PKNOX1: variants seen among roughly 807,000 people sequenced by gnomAD.
The protein encoded by PKNOX1 is homeobox protein PKNOX1.
Under a neutral mutation model 51.9 loss-of-function variants are expected in PKNOX1, and 15 were observed. The ratio of observed to expected loss-of-function variants is 0.29; its 90% CI spans 0.19 to 0.45. The LOEUF is 0.45. Among genes scored for constraint, PKNOX1 ranks in the 20% least tolerant of loss-of-function variants. PKNOX1 has a pLI of 1.00. For synonymous variants in PKNOX1, 219 were observed against 211.1 expected, an observed-to-expected ratio of 1.04 and a Z score of -0.32; for missense variants, 462 against 547.5, an observed-to-expected ratio of 0.84 and a Z score of 1.56.
At chr21:42,994,571 C>CTT (rs1568892275) in intron 1 of PKNOX1, among the ~76,000 whole-genome samples, 1 of 151,654 alleles carries the variant, frequency 6.6e-6, no homozygotes, top group Non-Finnish European at 1.5e-5. Context: ...GAAAGACAAT[C>CTT]TGAGAGTAGA....
intron 7 of PKNOX1, among the ~76,000 whole-genome samples, chr21:43,020,928 C>T (rs1462045833): frequency 1.3e-5 from 2 of 152,122 alleles, no homozygotes; most frequent in East Asian, 3.9e-4. Flanking sequence ...GGCAACAGGG[C>T]GAGACCCTGC....
At chr21:42,990,066 C>T (rs892983295) in intron 1 of PKNOX1, among the ~76,000 whole-genome samples, 1 of 150,118 alleles carries the variant, frequency 6.7e-6, no homozygotes, top group African/African-American at 2.5e-5. Flanking sequence ...CATTGCACTC[C>T]AGCCTGGGCA....
chr21:42,978,229 T>C (rs1425617741), intron 1 of PKNOX1, among the ~76,000 whole-genome samples: 1 of 152,140 alleles, frequency 6.6e-6, no homozygotes. Context: ...GGTCTCGAAC[T>C]CCTGACCTCA....
intron 3 of PKNOX1, among the ~76,000 whole-genome samples, chr21:43,009,563 A>C (rs998934453): frequency 7.1e-6 from 1 of 141,006 alleles, no homozygotes; most frequent in African/African-American, 2.7e-5. Flanking sequence ...GTGACCCGAG[A>C]TCGTGCCGCT....
At chr21:42,989,223 C>T (rs2059073275) in intron 1 of PKNOX1, among the ~76,000 whole-genome samples, 1 of 151,932 alleles carries the variant, frequency 6.6e-6, no homozygotes, top group Admixed American at 6.6e-5. Flanking sequence ...AAGCAATATT[C>T]CCGCCTCGGG....
chr21:43,018,694 G>C (rs1177156402), intron 7 of PKNOX1, among the ~76,000 whole-genome samples: 2 of 152,178 alleles, frequency 1.3e-5, no homozygotes, highest in East Asian at 3.9e-4. Flanking sequence ...ATTGGGCCAG[G>C]GCTTTCAGGC....
chr21:43,000,915 A>G (rs376972934), intron 1 of PKNOX1, among the ~76,000 whole-genome samples: 34 of 152,290 alleles, frequency 2.2e-4, no homozygotes, highest in African/African-American at 7.5e-4. Context: ...AGCTTGGAGA[A>G]TGGACTGGAA....
intron 2 of PKNOX1, among the ~76,000 whole-genome samples, chr21:43,007,098 T>C (rs1194260933): frequency 6.6e-6 from 1 of 152,004 alleles, no homozygotes; most frequent in Admixed American, 6.6e-5. Context: ...AGCGTATGGG[T>C]TAGGTTGTGT....
At chr21:43,013,984 T>G (rs1303240187) in intron 5 of PKNOX1, among the ~76,000 whole-genome samples, 1 of 152,052 alleles carries the variant, frequency 6.6e-6, no homozygotes, top group Non-Finnish European at 1.5e-5. Flanking sequence ...CTGTGTATTT[T>G]CTTTGATAAA....
chr21:42,993,759 G>T (rs1198350928), intron 1 of PKNOX1, among the ~76,000 whole-genome samples: 2 of 130,172 alleles, frequency 1.5e-5, no homozygotes, highest in African/African-American at 5.7e-5. Flanking sequence ...TTGAAACAGA[G>T]TCTCGTTCTG....
intron 10 of PKNOX1, among the ~76,000 whole-genome samples, chr21:43,029,465 TTGCCCAGG>T (rs1980145079): frequency 7.5e-6 from 1 of 132,730 alleles, no homozygotes; most frequent in Non-Finnish European, 1.6e-5. Flanking sequence ...TCTCACTCTG[TTGCCCAGG>T]CTGGAGTGCA....
In PKNOX1 at chr21:43,030,506, A is replaced by C. The variant is rs1287136766; in HGVS notation, c.*405A>C. ...TTGATTTGTGTGGCCCATGGATTTG[A>C]AAGAAGCTGCTGCACCCGAAACTGC... On this transcript the variant is annotated 3_prime_UTR_variant, in exon 11 of 11. Coordinates refer to ENST00000291547, the MANE Select transcript of PKNOX1 (RefSeq NM_004571.5). 6.3e-6 allele frequency: 1 copy of C among 158,026 alleles called. No homozygotes were observed. Among genetic ancestry groups the C allele is most frequent in the Non-Finnish European group, 1.4e-5 (1 of 71,492 alleles). The allele number at this position is 158,026 out of a possible 1,614,324, so 9.8% of individuals were successfully genotyped here.
chr21:42,987,104 A>G (rs980904905), intron 1 of PKNOX1, among the ~76,000 whole-genome samples: 6 of 151,974 alleles, frequency 3.9e-5, no homozygotes, highest in Non-Finnish European at 5.9e-5. Flanking sequence ...TACTCAGGCC[A>G]GGTGCGGTGG....
intron 2 of PKNOX1, among the ~76,000 whole-genome samples, chr21:43,006,690 G>T (rs1234189831): frequency 6.6e-6 from 1 of 152,192 alleles, no homozygotes; most frequent in African/African-American, 2.4e-5. Context: ...GGACAGTGGG[G>T]ATGGCCCCGC....
intron 1 of PKNOX1, among the ~76,000 whole-genome samples, chr21:42,999,816 T>G (rs1978667836): frequency 6.6e-6 from 1 of 152,122 alleles, no homozygotes; most frequent in Admixed American, 6.5e-5. Context: ...GGCTGCAAAT[T>G]TTCCAAACTT....
At chr21:42,987,590 A>G (rs923194354) in intron 1 of PKNOX1, among the ~76,000 whole-genome samples, 47 of 146,826 alleles carry the variant, frequency 3.2e-4, no homozygotes, top group African/African-American at 1.2e-3. Flanking sequence ...TTTTTTTTGT[A>G]TGGCCCTAGG....
intron 7 of PKNOX1, among the ~76,000 whole-genome samples, chr21:43,020,175 C>G (rs1427233486): frequency 6.6e-6 from 1 of 152,168 alleles, no homozygotes; most frequent in Non-Finnish European, 1.5e-5. Context: ...TCAAATAGTC[C>G]TCCTGCCTTG....
intron 1 of PKNOX1, among the ~76,000 whole-genome samples, chr21:42,993,494 T>G (rs1978333811): frequency 6.6e-6 from 1 of 152,062 alleles, no homozygotes; most frequent in South Asian, 2.1e-4. Flanking sequence ...CCAAAGAGAT[T>G]TTCGTAAAAA....
intron 1 of PKNOX1, among the ~76,000 whole-genome samples, chr21:42,996,925 G>A (rs370434032): frequency 8.0e-5 from 12 of 150,790 alleles, no homozygotes; most frequent in South Asian, 6.3e-4. Flanking sequence ...CTGTCATCCC[G>A]GCTGGAGTGC....
Sources: allele counts gnomAD v4.1 joint callset (sites outside exome capture counted in the v4.1 genomes callset), GRCh38; gene constraint gnomAD v4.1.1; transcripts MANE v1.5; gene names NCBI Gene and HGNC (gene_info 2026-07-23, HGNC 2026-07-21).